The following EIF2AK3 variants were observed in gnomAD, a reference collection of about 807,000 sequenced individuals.
The protein encoded by EIF2AK3 is eukaryotic translation initiation factor 2 alpha kinase 3, also known as eukaryotic translation initiation factor 2-alpha kinase 3.
EIF2AK3 carries 50 observed loss-of-function variants against 113.5 expected under a neutral mutation model. The observed-to-expected ratio is 0.44, with a 90% CI of 0.35 to 0.56. The LOEUF is 0.56. Ranked by LOEUF, EIF2AK3 falls within the 20% of genes least tolerant of loss-of-function variation. The probability of loss-of-function intolerance (pLI) is 0.00; values close to 1 mark genes in which losing one functional copy is unlikely to be tolerated. For synonymous variants in EIF2AK3, 448 were observed against 495.4 expected, an observed-to-expected ratio of 0.90 and a Z score of 1.27; for missense variants, 1,185 against 1,378.0, an observed-to-expected ratio of 0.86 and a Z score of 2.22.
intron 15 of EIF2AK3, among the ~76,000 whole-genome samples, chr2:88,561,972 G>A (rs1188756110): frequency 2.0e-5 from 3 of 152,238 alleles, no homozygotes; most frequent in Non-Finnish European, 4.4e-5. Flanking sequence ...ATATATGAGT[G>A]TGTGGCCCCC....
At chr2:88,611,419 C>T (rs1454283784) in intron 2 of EIF2AK3, among the ~76,000 whole-genome samples, 1 of 152,132 alleles carries the variant, frequency 6.6e-6, no homozygotes, top group Non-Finnish European at 1.5e-5. Flanking sequence ...CATCCACTCT[C>T]AAGAAATGGT....
At chr2:88,570,826 C>T (rs1460337759) in intron 14 of EIF2AK3, 48 bp downstream of exon 14, 1 of 1,604,526 alleles carries the variant, frequency 6.2e-7, no homozygotes, top group Non-Finnish European at 8.5e-7. Flanking sequence ...AGAGATTCAT[C>T]AGGTACATCT....
chr2:88,606,051 T>C (rs1675263564), intron 2 of EIF2AK3, among the ~76,000 whole-genome samples: 1 of 152,170 alleles, frequency 6.6e-6, no homozygotes, highest in Non-Finnish European at 1.5e-5. Flanking sequence ...TTGGTATTTA[T>C]CTTAAAAAAT....
intron 1 of EIF2AK3, among the ~76,000 whole-genome samples, chr2:88,625,700 T>C (rs1424834005): frequency 1.3e-5 from 2 of 152,218 alleles, no homozygotes; most frequent in Admixed American, 6.5e-5. Context: ...TGAAGTGGAT[T>C]TGAATTCTAA....
At chr2:88,584,548 A>G (rs1435999784) in intron 9 of EIF2AK3, among the ~76,000 whole-genome samples, 3 of 145,384 alleles carry the variant, frequency 2.1e-5, no homozygotes. Flanking sequence ...AAAAAAAAAA[A>G]GAATGTACAG....
chr2:88,577,672 C>G (rs1042604191), intron 11 of EIF2AK3, among the ~76,000 whole-genome samples: 1 of 152,180 alleles, frequency 6.6e-6, no homozygotes, highest in African/African-American at 2.4e-5. Flanking sequence ...AGCCACTGTA[C>G]CTGGCCAACC....
At chr2:88,608,573 T>C (rs916582070) in intron 2 of EIF2AK3, among the ~76,000 whole-genome samples, 8 of 152,128 alleles carry the variant, frequency 5.3e-5, no homozygotes, top group Admixed American at 2.0e-4. Flanking sequence ...GGAAGTTAAC[T>C]ACTTTTAAAA....
intron 10 of EIF2AK3, 198 bp from the exon 11 acceptor site, chr2:88,579,838 C>T (rs1674553488): frequency 3.9e-6 from 2 of 513,948 alleles, no homozygotes; most frequent in Non-Finnish European, 3.4e-6. Flanking sequence ...CTTATGTTTC[C>T]TAGAAAAAAA....
chr2:88,582,253 G>A (rs1262243620), intron 10 of EIF2AK3, among the ~76,000 whole-genome samples: 1 of 152,196 alleles, frequency 6.6e-6, no homozygotes, highest in Non-Finnish European at 1.5e-5. Context: ...GGGGAAATTG[G>A]ATTGCTGTTT....
At chr2:88,591,753 T>C (rs184858170) in intron 4 of EIF2AK3, among the ~76,000 whole-genome samples, 1 of 152,330 alleles carries the variant, frequency 6.6e-6, no homozygotes, top group Admixed American at 6.5e-5. Context: ...TTAAGAATTC[T>C]GACATTTATG....
At chr2:88,602,782 C>T (rs1675186634) in intron 2 of EIF2AK3, among the ~76,000 whole-genome samples, 1 of 151,612 alleles carries the variant, frequency 6.6e-6, no homozygotes, top group Non-Finnish European at 1.5e-5. Context: ...AGGGGAACAA[C>T]ACATACTGGG....
At chr2:88,581,748 T>C (rs1448359121) in intron 10 of EIF2AK3, among the ~76,000 whole-genome samples, 1 of 152,238 alleles carries the variant, frequency 6.6e-6, no homozygotes, top group African/African-American at 2.4e-5. Context: ...GCAAAGGTAT[T>C]AAAGTAGCCT....
At chr2:88,570,162 T>G (rs1674260605) in intron 14 of EIF2AK3, among the ~76,000 whole-genome samples, 1 of 152,248 alleles carries the variant, frequency 6.6e-6, no homozygotes. Context: ...TCTTTTAACT[T>G]CTAATATAAC....
chr2:88,590,691 A>G (rs1674865267), intron 5 of EIF2AK3, 86 bp from the exon 6 acceptor site: 1 of 1,571,214 alleles, frequency 6.4e-7, no homozygotes, highest in African/African-American at 1.4e-5. Context: ...AAAATCACAA[A>G]TTTATAAAAG....
chr2:88,613,876 T>A (rs755224752), intron 1 of EIF2AK3, 23 bp from the exon 2 acceptor site: 10 of 1,586,200 alleles, frequency 6.3e-6, no homozygotes, highest in South Asian at 2.3e-5. Context: ...AAAATATTTT[T>A]AAAATTAACA....
At chr2:88,598,011 G>C (rs1459493882) in intron 2 of EIF2AK3, among the ~76,000 whole-genome samples, 2 of 152,156 alleles carry the variant, frequency 1.3e-5, no homozygotes, top group Non-Finnish European at 2.9e-5. Flanking sequence ...GGGCAGTGTA[G>C]ATGTGAGATG....
chr2:88,593,906 A>G, intron 3 of EIF2AK3: 1 of 996,624 alleles, frequency 1.0e-6, no homozygotes, highest in Non-Finnish European at 1.2e-6. Flanking sequence ...CCTCACGAAA[A>G]GCATACCTTC....
chr2:88,575,020 C>T lies in EIF2AK3; in HGVS notation c.2463G>A (p.Glu821=), dbSNP rs1469352010. The T allele has an allele frequency of 4.3e-6, 7 of 1,614,188 alleles. No individual in the cohort carries two copies. Among genetic ancestry groups the T allele is most frequent in the Non-Finnish European group, 5.9e-6 (7 of 1,180,032 alleles). The change falls in exon 13 of 17, where the codon GAG becomes GAA. Residue 821 remains glutamate, a synonymous_variant. Coordinates refer to ENST00000303236, the MANE Select transcript of EIF2AK3 (RefSeq NM_004836.7). ...CAATATGCAATCGATTAGTTTTCGG[C>T]TCTTCTTTACTGGAAGCATTATCAC... ...SGCDNASSKE[E]PKTNRLHIGN...
chr2:88,593,415 C>T lies in EIF2AK3; in HGVS notation c.634-10G>A. The stretch of plus-strand genomic sequence containing the variant: ...AACAGATATACCTCACCTGAAAAGA[C>T]AAAATTAGATACAAAATTAGTAAAA... On this transcript the variant is annotated splice_polypyrimidine_tract_variant and intron_variant, in intron 3 of 16. Transcript: ENST00000303236. The T allele has an allele frequency of 1.2e-6, 2 of 1,613,422 alleles. No individual in the cohort carries two copies. Among genetic ancestry groups the T allele is most frequent in the Non-Finnish European group, 1.7e-6 (2 of 1,179,782 alleles).
Sources: allele counts gnomAD v4.1 joint callset (sites outside exome capture counted in the v4.1 genomes callset), GRCh38; gene constraint gnomAD v4.1.1; transcripts MANE v1.5; gene names NCBI Gene and HGNC (gene_info 2026-07-23, HGNC 2026-07-21).